The following MACC1 variants were observed in gnomAD, a reference collection of about 807,000 sequenced individuals.
MACC1 encodes metastasis-associated in colon cancer protein 1.
Under a neutral mutation model 70.7 loss-of-function variants are expected in MACC1, and 79 were observed. That is an observed-to-expected ratio of 1.12 (90% CI 0.93 to 1.35). The LOEUF (loss-of-function observed/expected upper bound fraction) is 1.35, where lower values mean the gene tolerates loss of function less well. MACC1 is among the 40% of genes most tolerant of loss of function. The probability of loss-of-function intolerance (pLI) is 0.00; values close to 1 mark genes in which losing one functional copy is unlikely to be tolerated. For synonymous variants in MACC1, 361 were observed against 347.2 expected (o/e 1.04, Z -0.44); for missense variants, 1,106 against 978.1 (o/e 1.13, Z -1.74).
At chr7:20,153,140 C>G (rs929494074) in intron 6 of MACC1, 2 of 152,166 alleles carry the variant, frequency 1.3e-5, no homozygotes, top group Non-Finnish European at 2.9e-5. Flanking sequence ...GCTAAAGAGT[C>G]TTATTTTGGA....
chr7:20,153,105 C>T (rs944465770), intron 6 of MACC1, among the ~76,000 whole-genome samples: 2 of 152,204 alleles, frequency 1.3e-5, no homozygotes, highest in South Asian at 2.1e-4. Context: ...AGGGGAAAGA[C>T]ATCCTCAGTC....
At position 20,163,983 on chromosome 7, in the gene MACC1, C is replaced by A. The variant is rs184144913; in HGVS notation, c.-9+273G>T. On this transcript the variant is annotated intron_variant, in intron 3 of 6. Transcript: ENST00000400331. ...ATGAAGTCTCGCTATATCGCCCAGG[C>A]TGGAGTACAGTGGTGTGATCTCAGC... 2.0e-5 allele frequency among the ~76,000 whole-genome samples: 3 copies of A among 152,300 alleles called. No individual in the cohort carries two copies. In the East Asian group the frequency reaches 5.8e-4, roughly 29 times the overall value.
chr7:20,165,810 T>C (rs1782209372), intron 2 of MACC1, among the ~76,000 whole-genome samples: 1 of 152,218 alleles, frequency 6.6e-6, no homozygotes, highest in South Asian at 2.1e-4. Context: ...AATATGCCTT[T>C]TAAAAATACT....
rs144437438 is a variant in MACC1 at position 20,210,427 on chromosome 7, C to T, written c.-218+6872G>A. Among the ~76,000 whole-genome samples the T allele has an allele frequency of 2.2e-4, 33 of 152,270 alleles. 1 individual carries two copies. The highest frequency in any genetic ancestry group is 7.5e-4 in the African/African-American group (31 of 41,540). ...ATACGTTTTATGTATGTATTTGTCA[C>T]TTTCATCGCACTATGACCTCTTTCA... On this transcript the variant is annotated intron_variant, in intron 1 of 6. Transcript: ENST00000400331.
chr7:20,188,860 G>C (rs1038006403), intron 1 of MACC1, among the ~76,000 whole-genome samples: 2 of 152,178 alleles, frequency 1.3e-5, no homozygotes, highest in Non-Finnish European at 2.9e-5. Flanking sequence ...TGACTTGTCT[G>C]TTCAAAATCT....
intron 3 of MACC1, among the ~76,000 whole-genome samples, chr7:20,162,968 T>A (rs1292024351): frequency 6.6e-6 from 1 of 151,930 alleles, no homozygotes; most frequent in Non-Finnish European, 1.5e-5. Flanking sequence ...GCAAAGGACA[T>A]CAGTAAAAAC....
At chr7:20,155,908 C>A (rs1214826835) in intron 5 of MACC1, among the ~76,000 whole-genome samples, 3 of 152,132 alleles carry the variant, frequency 2.0e-5, no homozygotes, top group Non-Finnish European at 4.4e-5. Flanking sequence ...AGCCATAAAA[C>A]CTGAGTTTAA....
intron 1 of MACC1, among the ~76,000 whole-genome samples, chr7:20,187,370 A>G (rs546231115): frequency 3.1e-4 from 47 of 152,296 alleles, no homozygotes; most frequent in Middle Eastern, 6.8e-3. Context: ...GGTAAACTCT[A>G]ATATGAATTA....
chr7:20,193,396 T>A (rs1782700985), intron 1 of MACC1, among the ~76,000 whole-genome samples: 1 of 152,222 alleles, frequency 6.6e-6, no homozygotes, highest in Non-Finnish European at 1.5e-5. Flanking sequence ...TAAACTGTGA[T>A]TACAGTATAA....
chr7:20,212,538 T>G, intron 1 of MACC1, among the ~76,000 whole-genome samples: 1 of 152,126 alleles, frequency 6.6e-6, no homozygotes, highest in Non-Finnish European at 1.5e-5. Flanking sequence ...TCCTGGAAAC[T>G]TGAGTGGGGC....
intron 1 of MACC1, among the ~76,000 whole-genome samples, chr7:20,181,599 T>C (rs575486217): frequency 3.9e-5 from 6 of 152,140 alleles, no homozygotes; most frequent in East Asian, 3.8e-4. Flanking sequence ...CATAAAAATA[T>C]GCCAACAACC....
Position 20,159,658 on chromosome 7 carries a change from G to C in MACC1, c.703C>G (p.His235Asp). The change falls in exon 5 of 7, where the codon CAT becomes GAT. Residue 235 changes from histidine to aspartate, a missense_variant. Coordinates refer to ENST00000400331, the MANE Select transcript of MACC1 (RefSeq NM_182762.4). Reference sequence around the variant, plus strand: ...ACAGCCACATGACCTTGGGGCACATGAACAGTGATGTCTGATTCAGGTAAT... The same window carrying C: ...ACAGCCACATGACCTTGGGGCACATCAACAGTGATGTCTGATTCAGGTAAT... Reference protein sequence around the residue: ...VQLPESDITVHVPQGHVAVGE... With the variant: ...VQLPESDITVDVPQGHVAVGE... The C allele has an allele frequency of 1.2e-6, 2 of 1,614,160 alleles. No homozygotes were observed. Among genetic ancestry groups the C allele is most frequent in the Non-Finnish European group, 1.7e-6 (2 of 1,180,030 alleles).
In MACC1 at chr7:20,159,343, A is replaced by G. The variant is rs751597114; in HGVS notation, c.1018T>C (p.Leu340=). 14 of 1,613,996 alleles carry G rather than the reference A, an allele frequency of 8.7e-6. No individual in the cohort carries two copies. In the Admixed American group the frequency reaches 2.3e-4, roughly 27 times the overall value. The change falls in exon 5 of 7, where the codon TTG becomes CTG. Residue 340 remains leucine (L), a synonymous_variant. Coordinates refer to ENST00000400331, the MANE Select transcript of MACC1 (RefSeq NM_182762.4). ...ACCACTAGATACATTACCTGACTCA[A>G]GTCGATTAGCTTGACTTGGATGGTG... ...KDTIQVKLID[L]SQVMYLVVAA... is the part of the protein sequence containing the mutation.
intron 4 of MACC1, among the ~76,000 whole-genome samples, chr7:20,160,611 A>C (rs7789784): frequency 2.0e-5 from 3 of 151,876 alleles, no homozygotes; most frequent in Non-Finnish European, 4.4e-5. Flanking sequence ...CATGTTTACA[A>C]AAGCAAATTT....
chr7:20,154,339 T>A lies in MACC1; in HGVS notation c.2200A>T (p.Ile734Phe), dbSNP rs1348539616. 6.2e-7 allele frequency: 1 copy of A among 1,613,926 alleles called. No homozygotes were observed. The highest frequency in any genetic ancestry group is 1.1e-5 in the South Asian group (1 of 91,070). ...MDCQELVARLIQEAAVLTSAV... is the reference protein window; with the variant it reads ...MDCQELVARLFQEAAVLTSAV... ...GAAGTCAGAACAGCAGCTTCTTGGA[T>A]GAGACGTGCGACTAACTCTTGGCAA... The change falls in exon 6 of 7, where the codon ATC (isoleucine) becomes TTC (phenylalanine). Residue 734 changes from isoleucine (I) to phenylalanine (F), a missense_variant. By Grantham distance (21) the Ile-to-Phe change is conservative. Coordinates refer to ENST00000400331, the MANE Select transcript of MACC1 (RefSeq NM_182762.4).
At chr7:20,211,132 C>T (rs970149170) in intron 1 of MACC1, among the ~76,000 whole-genome samples, 4 of 152,112 alleles carry the variant, frequency 2.6e-5, no homozygotes, top group Non-Finnish European at 5.9e-5. Flanking sequence ...TTGCTCCCAT[C>T]TATCATTTCT....
At chr7:20,157,766 CA>C (rs370288319) in intron 5 of MACC1, among the ~76,000 whole-genome samples, 2,314 of 53,890 alleles carry the variant, frequency 0.043, 21 homozygotes, top group Admixed American at 0.09. Flanking sequence ...GACTTTGTCT[CA>C]AAAAAAAAAA....
chr7:20,161,916 G>C, intron 3 of MACC1, 46 bp from the exon 4 acceptor site: 1 of 1,122,038 alleles, frequency 8.9e-7, no homozygotes, highest in South Asian at 1.3e-5. Flanking sequence ...TACATATACA[G>C]GCTGGCAGAG....
At chr7:20,166,335 T>A (rs1419218472) in intron 2 of MACC1, among the ~76,000 whole-genome samples, 1 of 152,162 alleles carries the variant, frequency 6.6e-6, no homozygotes, top group Non-Finnish European at 1.5e-5. Flanking sequence ...GTATTACTTG[T>A]AAATGCAACC....
Sources: gnomAD v4.1 joint callset for allele counts (sites outside exome capture counted in the v4.1 genomes callset) on GRCh38, gnomAD v4.1.1 for gene constraint, MANE v1.5 for transcripts, NCBI Gene and HGNC (gene_info 2026-07-23, HGNC 2026-07-21) for gene names.